Variants in FGL1 observed in about 807,000 individuals in gnomAD.
FGL1 encodes the protein fibrinogen-like protein 1.
Under a neutral mutation model 43.7 loss-of-function variants are expected in FGL1, and 59 were observed. The observed-to-expected ratio is 1.35, with a 90% CI of 1.10 to 1.68. The LOEUF (loss-of-function observed/expected upper bound fraction) is 1.68, where lower values mean the gene tolerates loss of function less well. FGL1 is among the 40% of genes most tolerant of loss of function. The pLI is 0.00. For synonymous variants in FGL1, 192 were observed against 126.5 expected, an observed-to-expected ratio of 1.52 and a Z score of -3.48; for missense variants, 596 against 373.0, an observed-to-expected ratio of 1.60 and a Z score of -4.92.
chr8:17,882,412 A>T, intron 2 of FGL1: 1 of 383,892 alleles, frequency 2.6e-6, no homozygotes, highest in South Asian at 3.8e-5. Flanking sequence ...ATATAAAATA[A>T]TTGGAATCGC....
At chr8:17,884,821 T>C (rs1047089927) in intron 2 of FGL1, among the ~76,000 whole-genome samples, 3 of 152,198 alleles carry the variant, frequency 2.0e-5, no homozygotes, top group Non-Finnish European at 4.4e-5. Context: ...TTTGAATGAA[T>C]GTTTTGTCTT....
intron 5 of FGL1, among the ~76,000 whole-genome samples, chr8:17,869,954 C>A (rs1018030679): frequency 2.0e-5 from 3 of 151,786 alleles, no homozygotes; most frequent in African/African-American, 7.3e-5. Context: ...CTAAAAAATA[C>A]AAAAAATTAG....
chr8:17,877,785 C>G (rs1174725051), intron 3 of FGL1, among the ~76,000 whole-genome samples: 2 of 152,058 alleles, frequency 1.3e-5, no homozygotes, highest in Non-Finnish European at 2.9e-5. Flanking sequence ...CAATTTTGCT[C>G]TCTTTGTTAT....
chr8:17,895,384 C>T (rs2053759838), intron 1 of FGL1, 63 bp downstream of exon 1: 1 of 1,274,588 alleles, frequency 7.8e-7, no homozygotes, highest in Non-Finnish European at 1.0e-6. Flanking sequence ...TACTATCATA[C>T]CTGTGAAATA....
At chr8:17,889,821 T>G (rs1215443653) in intron 1 of FGL1, among the ~76,000 whole-genome samples, 1 of 152,246 alleles carries the variant, frequency 6.6e-6, no homozygotes, top group Admixed American at 6.5e-5. Flanking sequence ...AATGGCAATT[T>G]CATTGTTTCA....
intron 7 of FGL1, chr8:17,868,280 C>T (rs1273527488): frequency 4.1e-6 from 1 of 242,876 alleles, no homozygotes; most frequent in African/African-American, 2.2e-5. Flanking sequence ...TTGTGGCCTT[C>T]TATTTATAAC....
In FGL1 at chr8:17,868,726, C is replaced by G; in HGVS notation, c.601G>C (p.Glu201Gln). The G allele has an allele frequency of 1.2e-6, 2 of 1,608,760 alleles. No individual in the cohort carries two copies. Among genetic ancestry groups the G allele is most frequent in the South Asian group, 2.2e-5 (2 of 90,230 alleles). Residue 201 changes from glutamate (E) to glutamine (Q), a missense_variant, in exon 7 of 8, where the codon GAG (glutamate) becomes CAG (glutamine). Physicochemically the swap from Glu to Gln is conservative, Grantham distance 29. Coordinates refer to ENST00000427924, the MANE Select transcript of FGL1 (RefSeq NM_004467.4). ...FKVGDEKNFYELNIGEYSGTA... is the reference protein window; with the variant it reads ...FKVGDEKNFYQLNIGEYSGTA... ...CCAGAATATTCCCCAATATTCAACT[C>G]GTAGAAATTCTAAAGAAAAAGGGCA...
At chr8:17,889,184 A>G in intron 1 of FGL1, among the ~76,000 whole-genome samples, 1 of 152,288 alleles carries the variant, frequency 6.6e-6, no homozygotes, top group East Asian at 1.9e-4. Context: ...CCCAAGTCTA[A>G]CGTGGATTGG....
chr8:17,866,647 C>A (rs1029525024), intron 7 of FGL1, among the ~76,000 whole-genome samples: 7 of 152,176 alleles, frequency 4.6e-5, no homozygotes, highest in Admixed American at 2.6e-4. Context: ...GCTCCCTGAA[C>A]CCATTTCTTT....
chr8:17,887,500 T>A (rs1373126691), intron 1 of FGL1, among the ~76,000 whole-genome samples: 1 of 152,126 alleles, frequency 6.6e-6, no homozygotes, highest in Non-Finnish European at 1.5e-5. Context: ...TGGGCAGAAA[T>A]TCATATGATA....
intron 7 of FGL1, among the ~76,000 whole-genome samples, chr8:17,865,601 G>A (rs933168564): frequency 6.6e-6 from 1 of 151,982 alleles, no homozygotes; most frequent in African/African-American, 2.4e-5. Context: ...TTAGGTTATC[G>A]ACAATATAAA....
intron 6 of FGL1, 76 bp from the exon 7 acceptor site, chr8:17,868,811 A>C (rs1002458088): frequency 3.4e-6 from 5 of 1,490,882 alleles, no homozygotes; most frequent in Non-Finnish European, 3.6e-6. Flanking sequence ...TTTCATAAAC[A>C]AAAGAACAGG....
chr8:17,869,191 GA>G (rs541923505), intron 5 of FGL1, among the ~76,000 whole-genome samples, 187 bp from the exon 6 acceptor site: 7 of 151,224 alleles, frequency 4.6e-5, no homozygotes, highest in East Asian at 1.9e-4. Context: ...TAATTTATTT[GA>G]AAAAAAATGA....
intron 3 of FGL1, among the ~76,000 whole-genome samples, chr8:17,876,422 C>T (rs1459479313): frequency 2.6e-5 from 4 of 152,144 alleles, no homozygotes; most frequent in African/African-American, 9.7e-5. Context: ...CAACCATATA[C>T]TCCTGCTTTG....
At chr8:17,891,682 T>C (rs1585153856) in intron 1 of FGL1, 1 of 985,148 alleles carries the variant, frequency 1.0e-6, no homozygotes, top group East Asian at 1.1e-4. Flanking sequence ...CTTGTAAACC[T>C]GAATTAGAAT....
chr8:17,885,383 A>T, intron 2 of FGL1, 109 bp downstream of exon 2: 1 of 881,214 alleles, frequency 1.1e-6, no homozygotes, highest in Non-Finnish European at 1.8e-6. Context: ...TTTCCCACAT[A>T]GTTAAGTTTT....
chr8:17,883,089 CATAT>C (rs1170789874), intron 2 of FGL1, among the ~76,000 whole-genome samples: 114 of 45,824 alleles, frequency 2.5e-3, no homozygotes, highest in East Asian at 3.6e-3. Context: ...TAATATATAT[CATAT>C]GTAATATATT....
intron 5 of FGL1, among the ~76,000 whole-genome samples, chr8:17,871,876 T>C (rs771893814): frequency 4.6e-5 from 7 of 152,190 alleles, no homozygotes; most frequent in South Asian, 2.1e-4. Context: ...AAAGTTCCTC[T>C]GGGAAAATAT....
intron 5 of FGL1, among the ~76,000 whole-genome samples, chr8:17,871,804 T>C (rs1446113105): frequency 6.6e-6 from 1 of 152,170 alleles, no homozygotes; most frequent in Admixed American, 6.6e-5. Context: ...ACGTTTTTTC[T>C]CCAACGAGAT....
Sources: allele counts gnomAD v4.1 joint callset (sites outside exome capture counted in the v4.1 genomes callset), GRCh38; gene constraint gnomAD v4.1.1; transcripts MANE v1.5; gene names NCBI Gene and HGNC (gene_info 2026-07-23, HGNC 2026-07-21).